The following CAMK4 variants were observed in gnomAD, a reference collection of about 807,000 sequenced individuals.
The protein encoded by CAMK4 is calcium/calmodulin-dependent protein kinase type IV.
A neutral mutation model predicts 44.9 loss-of-function variants in CAMK4; 22 were observed. The ratio of observed to expected loss-of-function variants is 0.49; its 90% CI spans 0.35 to 0.70. The LOEUF is 0.70. Ranked by LOEUF, CAMK4 falls within the 30% of genes least tolerant of loss-of-function variation. The probability of loss-of-function intolerance (pLI) is 0.01; values close to 1 mark genes in which losing one functional copy is unlikely to be tolerated. For synonymous variants in CAMK4, 218 were observed against 215.4 expected, an observed-to-expected ratio of 1.01 and a Z score of -0.11; for missense variants, 498 against 586.8, an observed-to-expected ratio of 0.85 and a Z score of 1.56.
At chr5:111,472,662 A>G (rs1755105528) in intron 7 of CAMK4, among the ~76,000 whole-genome samples, 1 of 152,152 alleles carries the variant, frequency 6.6e-6, no homozygotes, top group South Asian at 2.1e-4. Flanking sequence ...CAGAACTAAT[A>G]CAAGCTGCTT....
In CAMK4 at chr5:111,292,294, T is replaced by A. The variant is rs1016513672; in HGVS notation, c.162-51730T>A. Among the ~76,000 whole-genome samples the A allele has an allele frequency of 2.0e-5, 3 of 152,214 alleles. No individual in the cohort carries two copies. In the South Asian group the frequency reaches 6.2e-4, roughly 32 times the overall value. ...GTTATCATGTTTAAATGTATCTAAG[T>A]GCCTTTAAAACTTATTTTTCAAACT... On this transcript the variant is annotated intron_variant, in intron 1 of 10. Transcript: ENST00000282356.
At chr5:111,282,983 G>T (rs1751085456) in intron 1 of CAMK4, 1 of 152,262 alleles carries the variant, frequency 6.6e-6, no homozygotes, top group Non-Finnish European at 1.5e-5. Context: ...CTGACTGGGA[G>T]CTGTAGTTCT....
chr5:111,259,175 C>T (rs2112557805), intron 1 of CAMK4, among the ~76,000 whole-genome samples: 1 of 152,292 alleles, frequency 6.6e-6, no homozygotes, highest in Admixed American at 6.5e-5. Flanking sequence ...CCTAAACATA[C>T]AGAATATATG....
intron 1 of CAMK4, among the ~76,000 whole-genome samples, chr5:111,317,898 T>TAAAAAAAAAAAAAAAA (rs3066636): frequency 7.9e-4 from 55 of 69,826 alleles, no homozygotes; most frequent in Non-Finnish European, 8.7e-4. Flanking sequence ...GAGTAATATG[T>TAAAAAAAAAAAAAAAA]AAAAAAAAAA....
chr5:111,485,339 T>A lies in CAMK4; in HGVS notation c.*873T>A, dbSNP rs1755577283. ...GATAAAATTGTATTTACTCATGAAT[T>A]TATACAACTTTACAGATAAGAACAT... On this transcript the variant is annotated 3_prime_UTR_variant, in exon 11 of 11. Transcript: ENST00000282356. 1 of 152,196 alleles carries A rather than the reference T, an allele frequency of 6.6e-6. No individual in the cohort carries two copies. The highest frequency in any genetic ancestry group is 1.5e-5 in the Non-Finnish European group (1 of 68,026). The allele number at this position is 152,196 out of a possible 1,614,324, so 9.4% of individuals were successfully genotyped here.
intron 7 of CAMK4, among the ~76,000 whole-genome samples, chr5:111,458,524 G>A (rs963193376): frequency 6.6e-6 from 1 of 152,114 alleles, no homozygotes; most frequent in African/African-American, 2.4e-5. Context: ...AGACATAGCA[G>A]TAAAAACCAG....
intron 5 of CAMK4, among the ~76,000 whole-genome samples, chr5:111,419,274 A>C (rs1034805365): frequency 1.3e-5 from 2 of 152,112 alleles, no homozygotes; most frequent in Non-Finnish European, 2.9e-5. Context: ...TCCTTCGCCC[A>C]CTTTTTGATG....
chr5:111,454,701 C>G (rs1754357654), intron 7 of CAMK4, among the ~76,000 whole-genome samples: 1 of 150,050 alleles, frequency 6.7e-6, no homozygotes. Context: ...AATAAATGTG[C>G]TACAATATAA....
At chr5:111,412,855 C>G (rs920533242) in intron 5 of CAMK4, among the ~76,000 whole-genome samples, 1 of 152,140 alleles carries the variant, frequency 6.6e-6, no homozygotes, top group Non-Finnish European at 1.5e-5. Flanking sequence ...CAGAAGTTAC[C>G]ACCCTTTTCC....
intron 1 of CAMK4, among the ~76,000 whole-genome samples, chr5:111,332,732 C>G (rs906475066): frequency 4.0e-5 from 6 of 151,582 alleles, no homozygotes; most frequent in African/African-American, 1.2e-4. Flanking sequence ...GGTGTTATGC[C>G]TGACTTCAGG....
At chr5:111,243,004 C>T (rs1179732928) in intron 1 of CAMK4, among the ~76,000 whole-genome samples, 1 of 152,176 alleles carries the variant, frequency 6.6e-6, no homozygotes, top group African/African-American at 2.4e-5. Flanking sequence ...TCTGCCTCTA[C>T]ACCTGGATTG....
chr5:111,415,244 G>A (rs1752775640), intron 5 of CAMK4, among the ~76,000 whole-genome samples: 1 of 152,154 alleles, frequency 6.6e-6, no homozygotes, highest in Non-Finnish European at 1.5e-5. Context: ...GCCCCACCCA[G>A]GATGTGACTC....
chr5:111,406,963 T>G (rs1448603846), intron 5 of CAMK4, among the ~76,000 whole-genome samples: 1 of 152,236 alleles, frequency 6.6e-6, no homozygotes, highest in Non-Finnish European at 1.5e-5. Flanking sequence ...TAGGTTTCAG[T>G]TGATTTAATT....
chr5:111,457,140 C>T (rs920693093), intron 7 of CAMK4, among the ~76,000 whole-genome samples: 5 of 152,072 alleles, frequency 3.3e-5, no homozygotes, highest in Admixed American at 6.5e-5. Flanking sequence ...CTATGAGTTT[C>T]TGAAATTTTT....
intron 1 of CAMK4, among the ~76,000 whole-genome samples, chr5:111,245,456 G>A (rs1383569391): frequency 2.0e-5 from 3 of 152,110 alleles, no homozygotes; most frequent in African/African-American, 7.2e-5. Context: ...AGCTTGCACT[G>A]AAAAATGTGG....
chr5:111,237,365 CA>C (rs1308205297), intron 1 of CAMK4, among the ~76,000 whole-genome samples: 2 of 152,178 alleles, frequency 1.3e-5, no homozygotes, highest in Non-Finnish European at 2.9e-5. Context: ...CGTTTTCTTC[CA>C]GTTGAATTCT....
rs979959207 is a variant in CAMK4 at position 111,485,990 on chromosome 5, A to C, written c.*1524A>C. 4 of 152,208 alleles carry C rather than the reference A, an allele frequency of 2.6e-5. No homozygotes were observed. Among genetic ancestry groups the C allele is most frequent in the Non-Finnish European group, 4.4e-5 (3 of 68,032 alleles). The allele number at this position is 152,208 out of a possible 1,614,324, so 9.4% of individuals were successfully genotyped here. ...TAAAAAATAATTATTTTCAGAGACC[A>C]AATAAAGACAATAAAAATGACTATC... is the stretch of plus-strand genomic sequence containing the variant. On this transcript the variant is annotated 3_prime_UTR_variant, in exon 11 of 11. Coordinates refer to ENST00000282356, the MANE Select transcript of CAMK4 (RefSeq NM_001744.6).
chr5:111,234,815 T>A (rs1345538735), intron 1 of CAMK4, among the ~76,000 whole-genome samples: 1 of 152,244 alleles, frequency 6.6e-6, no homozygotes, highest in African/African-American at 2.4e-5. Context: ...TGAAAAAAGA[T>A]AATGGATAGG....
At chr5:111,321,697 A>G (rs1452569576) in intron 1 of CAMK4, among the ~76,000 whole-genome samples, 1 of 152,170 alleles carries the variant, frequency 6.6e-6, no homozygotes, top group African/African-American at 2.4e-5. Flanking sequence ...TCTATTCAAC[A>G]GGAAAAATTC....
Sources: gnomAD v4.1 joint callset for allele counts (sites outside exome capture counted in the v4.1 genomes callset) on GRCh38, gnomAD v4.1.1 for gene constraint, MANE v1.5 for transcripts, NCBI Gene and HGNC (gene_info 2026-07-23, HGNC 2026-07-21) for gene names.